Variants in BAALC observed in about 807,000 individuals in gnomAD.
BAALC encodes the protein brain and acute leukemia cytoplasmic protein.
In BAALC, 9 loss-of-function variants were observed where a neutral mutation model predicts 15.5. The ratio of observed to expected loss-of-function variants is 0.58; its 90% confidence interval spans 0.35 to 1.02. The LOEUF is 1.02. Ranked by LOEUF, BAALC falls within the 50% of genes least tolerant of loss-of-function variation. The pLI, the probability that BAALC is intolerant of heterozygous loss-of-function variation, is 0.02. For synonymous variants in BAALC, 80 were observed against 74.6 expected, an observed-to-expected ratio of 1.07 and a Z score of -0.37; for missense variants, 201 against 192.4, an observed-to-expected ratio of 1.04 and a Z score of -0.27.
intron 1 of BAALC, among the ~76,000 whole-genome samples, chr8:103,178,902 A>T (rs1238303083): frequency 6.6e-6 from 1 of 152,068 alleles, no homozygotes; most frequent in Non-Finnish European, 1.5e-5. Flanking sequence ...AAAATAAATA[A>T]ATGGCTCAGA....
At chr8:103,203,590 C>T (rs1812267171) in intron 1 of BAALC, among the ~76,000 whole-genome samples, 1 of 152,140 alleles carries the variant, frequency 6.6e-6, no homozygotes, top group Non-Finnish European at 1.5e-5. Flanking sequence ...ACTGTCATTT[C>T]CTCCCAAACC....
At chr8:103,165,390 CCT>C (rs1246997571) in intron 1 of BAALC, 5 of 152,122 alleles carry the variant, frequency 3.3e-5, no homozygotes, top group East Asian at 1.9e-4. Flanking sequence ...CCAAAATGCC[CCT>C]GTTCCTTTAC....
At chr8:103,164,600 C>T (rs1811304312) in intron 1 of BAALC, among the ~76,000 whole-genome samples, 1 of 152,184 alleles carries the variant, frequency 6.6e-6, no homozygotes, top group Non-Finnish European at 1.5e-5. Flanking sequence ...AGGTCTGAGT[C>T]TTCTATTCCT....
At chr8:103,205,129 C>T (rs891004932) in intron 1 of BAALC, among the ~76,000 whole-genome samples, 5 of 152,152 alleles carry the variant, frequency 3.3e-5, no homozygotes, top group African/African-American at 1.2e-4. Flanking sequence ...CTCTCTGTGA[C>T]CACCTTCACC....
At chr8:103,212,115 C>T (rs1215170018) in intron 1 of BAALC, among the ~76,000 whole-genome samples, 1 of 152,192 alleles carries the variant, frequency 6.6e-6, no homozygotes, top group Non-Finnish European at 1.5e-5. Context: ...GGCACACATA[C>T]TCAGTCCAAC....
At chr8:103,147,394 A>T (rs1810898956) in intron 1 of BAALC, among the ~76,000 whole-genome samples, 1 of 152,256 alleles carries the variant, frequency 6.6e-6, no homozygotes, top group African/African-American at 2.4e-5. Context: ...ATTTTTAAAT[A>T]ATTTAAAGAG....
At chr8:103,162,714 C>T (rs1037762509) in intron 1 of BAALC, among the ~76,000 whole-genome samples, 3 of 151,666 alleles carry the variant, frequency 2.0e-5, no homozygotes, top group African/African-American at 7.3e-5. Flanking sequence ...GACTCCACTT[C>T]TTAATGGAGG....
intron 1 of BAALC, among the ~76,000 whole-genome samples, chr8:103,145,664 ATTAG>A (rs1319278492): frequency 6.6e-6 from 1 of 152,234 alleles, no homozygotes; most frequent in Non-Finnish European, 1.5e-5. Context: ...TAAGCTTATG[ATTAG>A]TTAAAATCCT....
intron 1 of BAALC, among the ~76,000 whole-genome samples, chr8:103,192,479 G>A (rs1032151102): frequency 4.6e-5 from 7 of 152,170 alleles, no homozygotes; most frequent in Admixed American, 1.3e-4. Flanking sequence ...CTATAGATAC[G>A]GGATTATCCT....
At chr8:103,164,215 G>T (rs927590754) in intron 1 of BAALC, among the ~76,000 whole-genome samples, 3 of 152,142 alleles carry the variant, frequency 2.0e-5, no homozygotes, top group Admixed American at 2.0e-4. Flanking sequence ...CCTGAGACAG[G>T]AATGGGCTTA....
intron 1 of BAALC, among the ~76,000 whole-genome samples, chr8:103,207,277 T>C (rs982037152): frequency 2.0e-5 from 3 of 152,234 alleles, no homozygotes; most frequent in African/African-American, 7.2e-5. Context: ...CAGAAGCTCA[T>C]TAACACGTAT....
At chr8:103,218,786 C>T (rs761555824) in intron 2 of BAALC, among the ~76,000 whole-genome samples, 7 of 152,098 alleles carry the variant, frequency 4.6e-5, no homozygotes, top group Non-Finnish European at 7.4e-5. Flanking sequence ...AGTTTTCTCC[C>T]GCTCCTCCTC....
rs370041920 is a variant in BAALC, at chr8:103,227,997, A to T, written c.336A>T (p.Arg112Ser). The T allele has an allele frequency of 2.2e-5, 35 of 1,610,846 alleles. No individual in the cohort carries two copies. In the East Asian group the frequency reaches 5.6e-4, roughly 26 times the overall value. The change falls in exon 3 of 3, where the codon AGA becomes AGT. Residue 112 changes from arginine to serine, a missense_variant. Coordinates refer to ENST00000309982, the MANE Select transcript of BAALC (RefSeq NM_024812.3). ...TGTTTTCAACTTAACAGGCTAAAAG[A>T]GATGCTAAGAGAATGCCTGCAAAAG... ...QNGLQTTEAK[R>S]DAKRMPAKEV...
chr8:103,144,620 A>G (rs1419791669), intron 1 of BAALC, among the ~76,000 whole-genome samples: 2 of 152,178 alleles, frequency 1.3e-5, no homozygotes, highest in African/African-American at 4.8e-5. Flanking sequence ...GCTTCATCTC[A>G]GTGTAATCAC....
chr8:103,188,310 C>T (rs1432390522), intron 1 of BAALC, among the ~76,000 whole-genome samples: 3 of 152,132 alleles, frequency 2.0e-5, no homozygotes, highest in Admixed American at 6.5e-5. Context: ...CTAACTCGGG[C>T]CATGCGATGC....
intron 1 of BAALC, among the ~76,000 whole-genome samples, chr8:103,148,849 C>T (rs1810925751): frequency 6.6e-6 from 1 of 152,218 alleles, no homozygotes; most frequent in South Asian, 2.1e-4. Context: ...TCCACTGTTA[C>T]TTCCTCACAC....
At chr8:103,198,091 A>G (rs1404763182) in intron 1 of BAALC, 1 of 700,096 alleles carries the variant, frequency 1.4e-6, no homozygotes, top group South Asian at 1.5e-5. Context: ...ATCTACATGT[A>G]CTGTTAGGGT....
chr8:103,150,070 T>C (rs904591197), intron 1 of BAALC, among the ~76,000 whole-genome samples: 1 of 152,052 alleles, frequency 6.6e-6, no homozygotes, highest in Non-Finnish European at 1.5e-5. Flanking sequence ...GCCTCACAAT[T>C]ATGATGGAAG....
At chr8:103,219,103 T>C (rs1313764711) in intron 2 of BAALC, among the ~76,000 whole-genome samples, 2 of 152,156 alleles carry the variant, frequency 1.3e-5, no homozygotes, top group Non-Finnish European at 2.9e-5. Flanking sequence ...AGTGCAAGCC[T>C]GGGGAAAAAG....
Sources: gnomAD v4.1 joint callset for allele counts (sites outside exome capture counted in the v4.1 genomes callset) on GRCh38, gnomAD v4.1.1 for gene constraint, MANE v1.5 for transcripts, NCBI Gene and HGNC (gene_info 2026-07-23, HGNC 2026-07-21) for gene names.